Variants in GREB1L observed in about 807,000 individuals in gnomAD.
GREB1L encodes the protein GREB1-like protein.
A neutral mutation model predicts 200.8 loss-of-function variants in GREB1L; 17 were observed. The observed-to-expected ratio is 0.08, with a 90% CI of 0.06 to 0.13. GREB1L has a LOEUF of 0.13. Ranked by LOEUF, GREB1L falls within the 10% of genes least tolerant of loss-of-function variation. The pLI is 1.00. For synonymous variants in GREB1L, 789 were observed against 893.0 expected (o/e 0.88, Z 2.08); for missense variants, 1,657 against 2,367.7 (o/e 0.70, Z 6.23).
chr18:21,349,105 C>CT (rs1368729264), intron 1 of GREB1L, among the ~76,000 whole-genome samples: 2 of 152,184 alleles, frequency 1.3e-5, no homozygotes, highest in South Asian at 2.1e-4. Flanking sequence ...CCTTCCACCC[C>CT]TGATTATGTG....
Position 21,525,988 on chromosome 18 carries a change from A to ATACAT in GREB1L, c.*3169_*3173dup, listed in dbSNP as rs1232491168. ...AAGTAAAGACTACTGGTGTTCCACT[A>ATACAT]TACATTCCAAAGCAGCTGCCTTGAA... On this transcript the variant is annotated 3_prime_UTR_variant, in exon 33 of 33. Coordinates refer to ENST00000424526, the MANE Select transcript of GREB1L (RefSeq NM_001142966.3). 6.6e-6 allele frequency among the ~76,000 whole-genome samples: 1 copy of ATACAT among 152,218 alleles called. No homozygotes were observed. Among genetic ancestry groups the ATACAT allele is most frequent in the Non-Finnish European group, 1.5e-5 (1 of 68,044 alleles).
At chr18:21,316,094 C>T (rs1227931591) in intron 1 of GREB1L, among the ~76,000 whole-genome samples, 2 of 152,140 alleles carry the variant, frequency 1.3e-5, no homozygotes, top group Non-Finnish European at 2.9e-5. Flanking sequence ...GGCTCAGACT[C>T]TATGGAGATA....
chr18:21,352,036 C>G (rs1210182011), intron 1 of GREB1L, among the ~76,000 whole-genome samples: 1 of 151,508 alleles, frequency 6.6e-6, no homozygotes, highest in East Asian at 1.9e-4. Flanking sequence ...TTAGTAGAGA[C>G]AGGGTTTCAC....
At chr18:21,499,064 A>G (rs2145929274) in intron 21 of GREB1L, among the ~76,000 whole-genome samples, 1 of 152,326 alleles carries the variant, frequency 6.6e-6, no homozygotes, top group African/African-American at 2.4e-5. Context: ...TTGGAGTCGC[A>G]TACGCCTATG....
chr18:21,525,012 G>GTA lies in GREB1L; in HGVS notation c.*2205_*2206dup, dbSNP rs113904815. ...AAGCACAGGACACCATGATTTGTGT[G>GTA]TATATATATATATATCCTAGTGTGT... On this transcript the variant is annotated 3_prime_UTR_variant, in exon 33 of 33. Transcript: ENST00000424526. 3 of 145,178 alleles carry GTA rather than the reference G, an allele frequency of 2.1e-5. No homozygotes were observed. The highest frequency in any genetic ancestry group is 7.5e-5 in the African/African-American group (3 of 40,216). 9.0% of individuals were successfully genotyped at this position (145,178 alleles called of 1,614,324 possible).
intron 2 of GREB1L, among the ~76,000 whole-genome samples, chr18:21,370,079 C>T (rs1207665852): frequency 6.6e-6 from 1 of 151,944 alleles, no homozygotes; most frequent in Non-Finnish European, 1.5e-5. Flanking sequence ...ACATTCTCAG[C>T]AAAAGGATGA....
chr18:21,441,632 C>A, intron 10 of GREB1L, 95 bp downstream of exon 10: 2 of 1,141,458 alleles, frequency 1.8e-6, no homozygotes, highest in South Asian at 1.6e-5. Context: ...TGAAGATATT[C>A]ATCCATCTGT....
intron 21 of GREB1L, 33 bp downstream of exon 21, chr18:21,496,731 G>A: frequency 6.5e-7 from 1 of 1,545,544 alleles, no homozygotes; most frequent in Non-Finnish European, 8.7e-7. Flanking sequence ...CATGGAGTGA[G>A]AGACATGAGT....
At chr18:21,362,286 C>T (rs995723522) in intron 1 of GREB1L, among the ~76,000 whole-genome samples, 1 of 152,020 alleles carries the variant, frequency 6.6e-6, no homozygotes, top group Non-Finnish European at 1.5e-5. Flanking sequence ...TTTTTAACCT[C>T]CTCCCCACAA....
In GREB1L at chr18:21,499,729, G is replaced by A. The variant is rs1326086477; in HGVS notation, c.3392G>A (p.Gly1131Asp). The A allele has an allele frequency of 1.3e-6, 2 of 1,547,156 alleles. No individual in the cohort carries two copies. The highest frequency in any genetic ancestry group is 1.8e-6 in the Non-Finnish European group (2 of 1,142,852). ...SNSSAVTGTS[G>D]SIMENGVSSS... ...GTGGGTTCTGTCTGTTCTCTCACAG[G>A]TTCCATCATGGAGAATGGAGTGAGC... is the stretch of plus-strand genomic sequence containing the variant. Residue 1131 changes from glycine to aspartate, a missense_variant and splice_region_variant, in exon 22 of 33, where the codon GGT becomes GAT. By Grantham distance (94) the Gly-to-Asp change is moderately conservative. Around this residue, in one of 9 missense-constraint regions of GREB1L, gnomAD observed 512 missense variants for 668.3 expected, o/e 0.77. Coordinates refer to ENST00000424526, the MANE Select transcript of GREB1L (RefSeq NM_001142966.3).
intron 7 of GREB1L, among the ~76,000 whole-genome samples, chr18:21,434,474 T>TA (rs989975136): frequency 1.4e-4 from 20 of 144,174 alleles, no homozygotes; most frequent in Non-Finnish European, 2.2e-4. Flanking sequence ...AGAATCCATC[T>TA]AAAAAAAATA....
At chr18:21,279,777 C>G (rs2038237045) in intron 1 of GREB1L, among the ~76,000 whole-genome samples, 1 of 152,206 alleles carries the variant, frequency 6.6e-6, no homozygotes, top group Non-Finnish European at 1.5e-5. Flanking sequence ...ATGAGAGTAG[C>G]TGGGACTACA....
intron 1 of GREB1L, among the ~76,000 whole-genome samples, chr18:21,349,113 G>A (rs1012853256): frequency 6.6e-6 from 1 of 152,170 alleles, no homozygotes; most frequent in Admixed American, 6.5e-5. Context: ...CCCTGATTAT[G>A]TGCAAGCTCC....
intron 1 of GREB1L, among the ~76,000 whole-genome samples, chr18:21,287,246 T>G (rs2038372785): frequency 6.6e-6 from 1 of 152,074 alleles, no homozygotes. Flanking sequence ...ACACCAAGAC[T>G]TACACCAAGA....
chr18:21,388,533 C>CTT (rs768141691), intron 4 of GREB1L, among the ~76,000 whole-genome samples: 27 of 74,682 alleles, frequency 3.6e-4, no homozygotes, highest in South Asian at 1.1e-3. Context: ...CCTTAGGTTC[C>CTT]TTTTTTTTTT....
At chr18:21,403,242 T>C (rs1298048497) in intron 6 of GREB1L, among the ~76,000 whole-genome samples, 3 of 152,212 alleles carry the variant, frequency 2.0e-5, no homozygotes. Flanking sequence ...CAAAGCACTA[T>C]TAAAATATAC....
chr18:21,250,312 A>G (rs1298312528), intron 1 of GREB1L, among the ~76,000 whole-genome samples: 2 of 152,222 alleles, frequency 1.3e-5, no homozygotes, highest in East Asian at 1.9e-4. Flanking sequence ...ACTGTTCTTT[A>G]GCGTGATCTG....
At chr18:21,283,303 G>A (rs1044855262) in intron 1 of GREB1L, among the ~76,000 whole-genome samples, 1 of 152,148 alleles carries the variant, frequency 6.6e-6, no homozygotes, top group Non-Finnish European at 1.5e-5. Context: ...CCAAAAGAGT[G>A]AAGAAAGGCA....
chr18:21,511,647 A>G (rs747541812), intron 27 of GREB1L, among the ~76,000 whole-genome samples: 2 of 152,146 alleles, frequency 1.3e-5, no homozygotes, highest in Non-Finnish European at 1.5e-5. Flanking sequence ...AGGTTTTCCC[A>G]GCACCATTTT....
Sources: allele counts gnomAD v4.1 joint callset (sites outside exome capture counted in the v4.1 genomes callset), GRCh38; gene constraint gnomAD v4.1.1; regional missense constraint gnomAD v4.1.1; transcripts MANE v1.5; gene names NCBI Gene and HGNC (gene_info 2026-07-23, HGNC 2026-07-21).